The following PACSIN1 variants were observed in gnomAD, a reference collection of about 807,000 sequenced individuals.
PACSIN1 encodes the protein protein kinase C and casein kinase substrate in neurons 1, also known as protein kinase C and casein kinase substrate in neurons protein 1.
A neutral mutation model predicts 59.5 loss-of-function variants in PACSIN1; 15 were observed. That is an observed-to-expected ratio of 0.25 (90% CI 0.17 to 0.39). PACSIN1 has a LOEUF of 0.39. PACSIN1 is among the 10% of genes least tolerant of loss of function. The probability of loss-of-function intolerance (pLI) is 1.00; values close to 1 mark genes in which losing one functional copy is unlikely to be tolerated. For missense variants in PACSIN1, 420 were observed against 580.2 expected (o/e 0.72, Z 2.84); for synonymous variants, 210 against 220.6 (o/e 0.95, Z 0.42).
At position 34,518,870 on chromosome 6, in the gene PACSIN1, G is replaced by T. The variant is rs1388346740; in HGVS notation, c.-63-7373G>T. Among the ~76,000 whole-genome samples the T allele has an allele frequency of 6.6e-6, 1 of 152,200 alleles. No individual in the cohort carries two copies. The highest frequency in any genetic ancestry group is 1.5e-5 in the Non-Finnish European group (1 of 68,026). ...TGTAAGCTCCATGAGGGAAGGGCTG[G>T]TCTTACTCCCTGATGAGCCTGCCCC... On this transcript the variant is annotated intron_variant, in intron 1 of 9. Transcript: ENST00000244458. The surrounding 1 kb of genome is among the most constrained non-coding windows in gnomAD (Gnocchi z 4.4).
At chr6:34,470,271 C>T (rs1413897666) in intron 1 of PACSIN1, among the ~76,000 whole-genome samples, 1 of 151,760 alleles carries the variant, frequency 6.6e-6, no homozygotes, top group Non-Finnish European at 1.5e-5. Context: ...CAACCTCCAC[C>T]TCCGGGTTCA....
Position 34,532,836 on chromosome 6 carries a change from G to A in PACSIN1, c.*306G>A, listed in dbSNP as rs1353962799. The A allele has an allele frequency of 3.3e-6, 1 of 302,386 alleles. No individual in the cohort carries two copies. The highest frequency in any genetic ancestry group is 2.2e-5 in the African/African-American group (1 of 45,082). The allele number at this position is 302,386 out of a possible 1,614,324, so 18.7% of individuals were successfully genotyped here. A position where few individuals can be genotyped will look rare whatever the true frequency, so the allele number is the denominator to read the frequency against. On this transcript the variant is annotated 3_prime_UTR_variant, in exon 10 of 10. Transcript: ENST00000244458. The surrounding 1 kb of genome is among the most constrained non-coding windows in gnomAD (Gnocchi z 5.2). The stretch of plus-strand genomic sequence containing the variant: ...GTCTCCTGAGCCCTGAGGGATGGAT[G>A]TCTCCTGACCCTTCCACCCCGCCTC...
At chr6:34,498,458 T>C (rs1226802839) in intron 1 of PACSIN1, among the ~76,000 whole-genome samples, 2 of 152,092 alleles carry the variant, frequency 1.3e-5, no homozygotes. Context: ...AGATATATGA[T>C]TTGCAAGTAC....
rs1178159023 is a variant in PACSIN1, at chr6:34,488,150, C to G, written c.-64+21880C>G. Among the ~76,000 whole-genome samples the G allele has an allele frequency of 3.3e-5, 5 of 152,148 alleles. No individual in the cohort carries two copies. Among genetic ancestry groups the G allele is most frequent in the Admixed American group, 3.3e-4 (5 of 15,270 alleles). On this transcript the variant is annotated intron_variant, in intron 1 of 9. Coordinates refer to ENST00000244458, the MANE Select transcript of PACSIN1 (RefSeq NM_020804.5). This position sits in a 1 kb window ranked among gnomAD's most constrained non-coding sequence, Gnocchi z 4.7. ...GCTTCCCTTTTGAGGGGACCTGGCCCCTCATGTCTGAGGGAGTCTGAGTCT... is the reference window on the plus strand; with the variant it reads ...GCTTCCCTTTTGAGGGGACCTGGCCGCTCATGTCTGAGGGAGTCTGAGTCT...
chr6:34,505,769 A>T (rs934104246), intron 1 of PACSIN1, among the ~76,000 whole-genome samples: 4 of 151,286 alleles, frequency 2.6e-5, no homozygotes, highest in Non-Finnish European at 5.9e-5. Flanking sequence ...GGTAGCTGGG[A>T]TTACAGGTGT....
chr6:34,466,610 A>G (rs1241367286), intron 1 of PACSIN1, among the ~76,000 whole-genome samples: 2 of 152,136 alleles, frequency 1.3e-5, no homozygotes, highest in East Asian at 3.9e-4. Flanking sequence ...CTGGACTGCT[A>G]CCAGAAGGGG....
chr6:34,532,645 A>AT lies in PACSIN1; in HGVS notation c.*122dup. 3.0e-6 allele frequency: 2 copies of AT among 665,980 alleles called. No individual in the cohort carries two copies. Among genetic ancestry groups the AT allele is most frequent in the Non-Finnish European group, 2.6e-6 (1 of 384,692 alleles). The allele number at this position is 665,980 out of a possible 1,614,324, so 41.3% of individuals were successfully genotyped here. A position where few individuals can be genotyped will look rare whatever the true frequency, so the allele number is the denominator to read the frequency against. On this transcript the variant is annotated 3_prime_UTR_variant, in exon 10 of 10. Transcript: ENST00000244458. The surrounding 1 kb of genome is among the most constrained non-coding windows in gnomAD (Gnocchi z 5.2). The stretch of plus-strand genomic sequence containing the variant: ...AGACATATTTTCCGATCAAGCTTTT[A>AT]TTTTTTTAAAAGTCAAAACAGAACA...
At chr6:34,467,553 CTTTTTTT>C (rs61324041) in intron 1 of PACSIN1, among the ~76,000 whole-genome samples, 1 of 90,794 alleles carries the variant, frequency 1.1e-5, no homozygotes, top group Non-Finnish European at 2.0e-5. Flanking sequence ...TAGGCCCTTC[CTTTTTTT>C]TTTTTTTTTT....
chr6:34,522,858 C>T (rs1767418347), intron 1 of PACSIN1, among the ~76,000 whole-genome samples: 1 of 152,254 alleles, frequency 6.6e-6, no homozygotes, highest in Non-Finnish European at 1.5e-5. Context: ...AGAAGAGCGT[C>T]AGCTCCAGAA....
chr6:34,484,432 A>G (rs533611981), intron 1 of PACSIN1, among the ~76,000 whole-genome samples: 2 of 152,364 alleles, frequency 1.3e-5, no homozygotes, highest in Admixed American at 1.3e-4. Context: ...ATCAGTAGTT[A>G]TCAGAGATTG....
At chr6:34,522,287 G>T (rs753222589) in intron 1 of PACSIN1, among the ~76,000 whole-genome samples, 1 of 152,216 alleles carries the variant, frequency 6.6e-6, no homozygotes, top group Non-Finnish European at 1.5e-5. Context: ...TAGTCACTCC[G>T]TGCCTCAGTT....
At chr6:34,523,975 T>G (rs1157247186) in intron 1 of PACSIN1, among the ~76,000 whole-genome samples, 1 of 152,190 alleles carries the variant, frequency 6.6e-6, no homozygotes, top group Non-Finnish European at 1.5e-5. Context: ...AGTCATTTCG[T>G]CCTCATTTCC....
chr6:34,530,686 C>A lies in PACSIN1; in HGVS notation c.1037+99C>A. 3 of 1,217,786 alleles carry A rather than the reference C, an allele frequency of 2.5e-6. No homozygotes were observed. The highest frequency in any genetic ancestry group is 2.0e-5 in the South Asian group (1 of 50,592). The allele number at this position is 1,217,786 out of a possible 1,614,324, so 75.4% of individuals were successfully genotyped here. On this transcript the variant is annotated intron_variant, in intron 8 of 9. Transcript: ENST00000244458. This position sits in a 1 kb window ranked among gnomAD's most constrained non-coding sequence, Gnocchi z 4.4. The stretch of plus-strand genomic sequence containing the variant: ...AGACAAGAAATGGTCTAGATCATAG[C>A]AACTATGTCTCCTCTCTAAAAGATA...
At chr6:34,485,424 A>G (rs934395492) in intron 1 of PACSIN1, among the ~76,000 whole-genome samples, 13 of 152,060 alleles carry the variant, frequency 8.5e-5, no homozygotes, top group Non-Finnish European at 1.5e-4. Flanking sequence ...TGTGGCCGAC[A>G]GGTGAGAGGT....
intron 1 of PACSIN1, among the ~76,000 whole-genome samples, chr6:34,490,903 A>G (rs1766866812): frequency 6.6e-6 from 1 of 152,028 alleles, no homozygotes; most frequent in Admixed American, 6.5e-5. Flanking sequence ...CAGGGTGTTA[A>G]TTCTCGTATT....
At chr6:34,501,162 T>C (rs60368173) in intron 1 of PACSIN1, among the ~76,000 whole-genome samples, 1,544 of 152,362 alleles carry the variant, frequency 0.01, 25 homozygotes, top group African/African-American at 0.035. Flanking sequence ...TTTCTTTGCA[T>C]TAACACTTGG....
Position 34,497,018 on chromosome 6 carries a change from G to A in PACSIN1, c.-63-29225G>A, listed in dbSNP as rs539837251. ...GGCTGGAGTGCAATGGTGCAATCTC[G>A]GCTCACTGCATCCTCCACCTCCCGG... On this transcript the variant is annotated intron_variant, in intron 1 of 9. Coordinates refer to ENST00000244458, the MANE Select transcript of PACSIN1 (RefSeq NM_020804.5). Among the ~76,000 whole-genome samples the A allele has an allele frequency of 7.5e-5, 10 of 132,850 alleles. No individual in the cohort carries two copies. The South Asian group carries it at 9.4e-4, about 12-fold the overall frequency. 87.2% of individuals were successfully genotyped at this position (132,850 alleles called of 152,430 possible). A position where few individuals can be genotyped will look rare whatever the true frequency, so the allele number is the denominator to read the frequency against.
chr6:34,529,154 C>T lies in PACSIN1; in HGVS notation c.457-243C>T, dbSNP rs899607519. Among the ~76,000 whole-genome samples, 6 of 152,024 alleles carry T rather than the reference C, an allele frequency of 3.9e-5. No individual in the cohort carries two copies. Among genetic ancestry groups the T allele is most frequent in the East Asian group, 1.9e-4 (1 of 5,174 alleles). ...TTGGCCCCTGGGTCCCCAGATGGGG[C>T]GGGCACTGCACTGCCTGACAGGAGG... is the stretch of plus-strand genomic sequence containing the variant. On this transcript the variant is annotated intron_variant, in intron 4 of 9. Coordinates refer to ENST00000244458, the MANE Select transcript of PACSIN1 (RefSeq NM_020804.5). This position sits in a 1 kb window ranked among gnomAD's most constrained non-coding sequence, Gnocchi z 6.3.
At position 34,534,989 on chromosome 6, in the gene PACSIN1, C is replaced by A. The variant is rs1018262108; in HGVS notation, c.*2459C>A. 1.3e-5 allele frequency: 2 copies of A among 152,674 alleles called. No homozygotes were observed. Among genetic ancestry groups the A allele is most frequent in the Admixed American group, 6.5e-5 (1 of 15,288 alleles). 9.5% of individuals were successfully genotyped at this position (152,674 alleles called of 1,614,324 possible). A position where few individuals can be genotyped will look rare whatever the true frequency, so the allele number is the denominator to read the frequency against. On this transcript the variant is annotated 3_prime_UTR_variant, in exon 10 of 10. Transcript: ENST00000244458. ...AATGTGTTTTGTCCCCAGTTAACCACCATTCTGCGGCCTGGTTCTGCAAGG... is the reference window on the plus strand; with the variant it reads ...AATGTGTTTTGTCCCCAGTTAACCAACATTCTGCGGCCTGGTTCTGCAAGG...
Sources: allele counts gnomAD v4.1 joint callset (sites outside exome capture counted in the v4.1 genomes callset), GRCh38; gene constraint gnomAD v4.1.1; non-coding constraint Gnocchi (gnomAD v3.1); transcripts MANE v1.5; gene names NCBI Gene and HGNC (gene_info 2026-07-23, HGNC 2026-07-21).